CST8: variants seen among roughly 807,000 people sequenced by gnomAD.
CST8 encodes the protein cystatin 8.
CST8 carries 20 observed loss-of-function variants against 11.8 expected under a neutral mutation model. That is an observed-to-expected ratio of 1.70 (90% CI 1.20 to 2.47). CST8 has a LOEUF of 2.47. Among genes scored for constraint, CST8 ranks in the 30% most tolerant of loss-of-function variants. The pLI, the probability that CST8 is intolerant of heterozygous loss-of-function variation, is 0.00. For missense variants in CST8, 196 were observed against 167.2 expected (o/e 1.17, Z -0.95); for synonymous variants, 77 against 63.1 (o/e 1.22, Z -1.05).
At chr20:23,496,528 C>T (rs115784062), downstream of CST8, among the ~76,000 whole-genome samples, 2,057 of 152,290 alleles carry the variant, frequency 0.014, 32 homozygotes, top group African/African-American at 0.045. Context: ...CACAGGACTA[C>T]AGGACTGGCG....
At chr20:23,506,027 C>G in the CST8 span, among the ~76,000 whole-genome samples, 1 of 150,788 alleles carries the variant, frequency 6.6e-6, no homozygotes, top group African/African-American at 2.4e-5. Flanking sequence ...TCCTGTATAC[C>G]ATTTTGCTCC....
downstream of CST8, among the ~76,000 whole-genome samples, chr20:23,497,778 G>A (rs531033854): frequency 1.3e-5 from 2 of 152,202 alleles, no homozygotes; most frequent in East Asian, 1.9e-4. Context: ...CACAGAAACA[G>A]TATGGGGGAA....
At chr20:23,505,636 C>T in the CST8 span, among the ~76,000 whole-genome samples, 10 of 152,178 alleles carry the variant, frequency 6.6e-5, no homozygotes, top group East Asian at 1.9e-4. Context: ...GTCTGATTTG[C>T]CCCGATTCTG....
chr20:23,499,761 G>A (rs1988138978), downstream of CST8, among the ~76,000 whole-genome samples: 1 of 152,220 alleles, frequency 6.6e-6, no homozygotes, highest in Non-Finnish European at 1.5e-5. Flanking sequence ...AGAACAAGCA[G>A]GAATTCAGCT....
chr20:23,503,623 G>T, the CST8 span, among the ~76,000 whole-genome samples: 1 of 152,166 alleles, frequency 6.6e-6, no homozygotes, highest in Admixed American at 6.5e-5. Context: ...TCTTTCAGAA[G>T]TACAAAAACA....
chr20:23,506,887 C>G, the CST8 span, among the ~76,000 whole-genome samples: 1 of 150,428 alleles, frequency 6.6e-6, no homozygotes, highest in Non-Finnish European at 1.5e-5. Context: ...TCTCCTCCCC[C>G]TGCCCCGATG....
chr20:23,493,189 T>G (rs556906705), intron 3 of CST8, 118 bp downstream of exon 3: 2 of 698,986 alleles, frequency 2.9e-6, no homozygotes, highest in East Asian at 2.5e-5. Flanking sequence ...TAGCCCCAGA[T>G]AGCCAACCCT....
At chr20:23,505,989 C>T in the CST8 span, among the ~76,000 whole-genome samples, 1 of 110,714 alleles carries the variant, frequency 9.0e-6, no homozygotes, top group Non-Finnish European at 1.9e-5. Flanking sequence ...GTATTTAAAT[C>T]TCCTAGTTTT....
chr20:23,505,995 GTTT>G, the CST8 span, among the ~76,000 whole-genome samples: 2 of 147,372 alleles, frequency 1.4e-5, no homozygotes, highest in East Asian at 2.0e-4. Context: ...AAATCTCCTA[GTTT>G]TTTTTTTTTT....
At chr20:23,493,167 G>T in intron 3 of CST8, 96 bp downstream of exon 3, 1 of 810,200 alleles carries the variant, frequency 1.2e-6, no homozygotes, top group South Asian at 1.4e-5. Context: ...GGTCTGGGTG[G>T]CTCCCAGTGT....
At chr20:23,495,045 A>G (rs1318988844) in intron 3 of CST8, among the ~76,000 whole-genome samples, 3 of 152,166 alleles carry the variant, frequency 2.0e-5, no homozygotes, top group Non-Finnish European at 2.9e-5. Context: ...GCTCTCACTT[A>G]TAAGTGAGAA....
downstream of CST8, among the ~76,000 whole-genome samples, chr20:23,498,954 G>A (rs995340010): frequency 1.8e-4 from 28 of 152,176 alleles, no homozygotes; most frequent in African/African-American, 6.3e-4. Flanking sequence ...GTGGCTGCAT[G>A]GACTTATAGC....
At position 23,493,017 on chromosome 20, in the gene CST8, G is replaced by C. The variant is rs139830347; in HGVS notation, c.291G>C (p.Lys97Asn). ...AAATTGCCCGCAGCGATTGCAGAAA[G>C]CCTTTAAGCACTAATGAAATCTGCG... ...DVEIARSDCR[K>N]PLSTNEICAI... The change falls in exon 3 of 4, where the codon AAG (lysine) becomes AAC (asparagine). Residue 97 changes from lysine to asparagine, a missense_variant. Coordinates refer to ENST00000246012, the MANE Select transcript of CST8 (RefSeq NM_005492.4). 2 of 1,613,528 alleles carry C rather than the reference G, an allele frequency of 1.2e-6. No homozygotes were observed. The highest frequency in any genetic ancestry group is 1.7e-6 in the Non-Finnish European group (2 of 1,179,754).
chr20:23,495,240 G>A (rs1263698319), intron 3 of CST8, among the ~76,000 whole-genome samples: 1 of 152,210 alleles, frequency 6.6e-6, no homozygotes, highest in African/African-American at 2.4e-5. Flanking sequence ...CTGACTTGAT[G>A]TCTTTGCTAC....
chr20:23,505,926 T>G, the CST8 span, among the ~76,000 whole-genome samples: 1 of 152,196 alleles, frequency 6.6e-6, no homozygotes, highest in Non-Finnish European at 1.5e-5. Context: ...CACCTAATTC[T>G]GTACATTAAC....
In CST8 at chr20:23,491,121, A is replaced by T. The variant is rs1568653483; in HGVS notation, c.-365A>T. 1 of 154,080 alleles carries T rather than the reference A, an allele frequency of 6.5e-6. No homozygotes were observed. Among genetic ancestry groups the T allele is most frequent in the East Asian group, 1.9e-4 (1 of 5,200 alleles). 9.5% of individuals were successfully genotyped at this position (154,080 alleles called of 1,614,324 possible). ...AGACCGCAGACCAGGACCCACAGAGACCCTTGACTGGGCCACAGGCATGAA... is the reference window on the plus strand; with the variant it reads ...AGACCGCAGACCAGGACCCACAGAGTCCCTTGACTGGGCCACAGGCATGAA... On this transcript the variant is annotated 5_prime_UTR_variant, in exon 1 of 4. Coordinates refer to ENST00000246012, the MANE Select transcript of CST8 (RefSeq NM_005492.4).
downstream of CST8, among the ~76,000 whole-genome samples, chr20:23,500,116 G>T (rs77578305): frequency 7.1e-4 from 108 of 152,026 alleles, 1 homozygote; most frequent in African/African-American, 2.4e-3. Context: ...TCAATCTTAC[G>T]GTGGGAAACT....
In CST8 at chr20:23,491,715, G is replaced by A. The variant is rs1328366614; in HGVS notation, c.48G>A (p.Leu16=). 8 of 1,614,004 alleles carry A rather than the reference G, an allele frequency of 5.0e-6. No homozygotes were observed. Among genetic ancestry groups the A allele is most frequent in the Non-Finnish European group, 6.8e-6 (8 of 1,179,928 alleles). The change falls in exon 2 of 4, where the codon CTG becomes CTA. Residue 16 remains leucine (L), a synonymous_variant. Coordinates refer to ENST00000246012, the MANE Select transcript of CST8 (RefSeq NM_005492.4). The part of the protein sequence containing the change: ...WLSLILLTIP[L]ALVARKDPKK... ...CCCTGATCCTCCTCACCATTCCCCT[G>A]GCCCTGGTGGCCAGGAAAGACCCAA... is the stretch of plus-strand genomic sequence containing the variant.
Position 23,491,216 on chromosome 20 carries a change from A to G in CST8, c.-270A>G, listed in dbSNP as rs1458023465. 1 of 173,548 alleles carries G rather than the reference A, an allele frequency of 5.8e-6. No homozygotes were observed. Among genetic ancestry groups the G allele is most frequent in the East Asian group, 1.6e-4 (1 of 6,230 alleles). 10.8% of individuals were successfully genotyped at this position (173,548 alleles called of 1,614,324 possible). A position where few individuals can be genotyped will look rare whatever the true frequency, so the allele number is the denominator to read the frequency against. The stretch of plus-strand genomic sequence containing the variant: ...CCCAGCTCCACAGGGAGTAAGAAGG[A>G]GCTGCAGGCACAGCAGGCTGAAAGT... On this transcript the variant is annotated 5_prime_UTR_variant, in exon 1 of 4. Transcript: ENST00000246012.
Sources: allele counts gnomAD v4.1 joint callset (sites outside exome capture counted in the v4.1 genomes callset), GRCh38; gene constraint gnomAD v4.1.1; transcripts MANE v1.5; gene names NCBI Gene and HGNC (gene_info 2026-07-23, HGNC 2026-07-21).